Variants in PBX1 observed in about 807,000 individuals in gnomAD.
PBX1 encodes the protein PBX homeobox 1, also known as pre-B-cell leukemia transcription factor 1.
Under a neutral mutation model 53.4 loss-of-function variants are expected in PBX1, and 6 were observed. The observed-to-expected ratio is 0.11, with a 90% CI of 0.06 to 0.22. The LOEUF (loss-of-function observed/expected upper bound fraction) is 0.22. PBX1 is among the 10% of genes least tolerant of loss of function. The probability of loss-of-function intolerance (pLI) is 1.00; values close to 1 mark genes in which losing one functional copy is unlikely to be tolerated. For synonymous variants in PBX1, 204 were observed against 212.3 expected (o/e 0.96, Z 0.34); for missense variants, 251 against 551.4 (o/e 0.46, Z 5.46).
At chr1:164,635,157 C>T (rs1449990733) in intron 2 of PBX1, among the ~76,000 whole-genome samples, 8 of 152,082 alleles carry the variant, frequency 5.3e-5, no homozygotes, top group African/African-American at 1.4e-4. Context: ...ATTTATTAAT[C>T]ACTGAATATA....
intron 2 of PBX1, among the ~76,000 whole-genome samples, chr1:164,581,072 C>G (rs1194896992): frequency 6.6e-6 from 1 of 152,146 alleles, no homozygotes; most frequent in Admixed American, 6.5e-5. Flanking sequence ...TCCTATCACA[C>G]CACCTCCCTG....
In PBX1 at chr1:164,860,821, A is replaced by G. The variant is rs1318396210; in HGVS notation, n.257+29338A>G. ...ATCTCCCTCACATACAGAACAAAGC[A>G]CCTCGTGACACACTTAGTACTTGCT... is the stretch of plus-strand genomic sequence containing the variant. On this transcript the variant is annotated intron_variant and non_coding_transcript_variant, in intron 2 of 2. Coordinates refer to the PBX1 transcript ENST00000558796. Among the ~76,000 whole-genome samples, 7 of 152,222 alleles carry G rather than the reference A, an allele frequency of 4.6e-5. No individual in the cohort carries two copies. In the South Asian group the frequency reaches 1.5e-3, roughly 32 times the overall value.
At chr1:164,822,291 G>T (rs1454721525) in intron 8 of PBX1, among the ~76,000 whole-genome samples, 2 of 152,118 alleles carry the variant, frequency 1.3e-5, no homozygotes, top group African/African-American at 4.8e-5. Context: ...TGCTTTCTCA[G>T]CAGCGGTGAC....
chr1:164,701,580 C>T (rs1322422997), intron 2 of PBX1, among the ~76,000 whole-genome samples: 1 of 152,168 alleles, frequency 6.6e-6, no homozygotes, highest in Non-Finnish European at 1.5e-5. Flanking sequence ...GTGGTACTTA[C>T]GTCACTTATT....
chr1:164,714,106 A>G (rs1663954873), intron 2 of PBX1, among the ~76,000 whole-genome samples: 1 of 152,246 alleles, frequency 6.6e-6, no homozygotes, highest in South Asian at 2.1e-4. Context: ...AGGTTTTTCT[A>G]CACTAATTCC....
rs2101688526 is a variant in PBX1, at chr1:164,563,320, G to A, written c.265+9G>A. ...AATCAAAGAAAAAACAGGTAGGAAT[G>A]AGATTCCAACATTTTAGCATTTTCT... On this transcript the variant is annotated intron_variant, in intron 2 of 8. Coordinates refer to ENST00000420696, the MANE Select transcript of PBX1 (RefSeq NM_002585.4). 2 of 1,585,912 alleles carry A rather than the reference G, an allele frequency of 1.3e-6. No individual in the cohort carries two copies. The highest frequency in any genetic ancestry group is 1.7e-6 in the Non-Finnish European group (2 of 1,156,472).
At chr1:164,644,383 C>A (rs61803803) in intron 2 of PBX1, among the ~76,000 whole-genome samples, 4,524 of 152,214 alleles carry the variant, frequency 0.03, 118 homozygotes, top group Non-Finnish European at 0.039. Flanking sequence ...TATTAAACAG[C>A]ATCTTTGGAG....
chr1:164,834,629 G>A (rs1233523173), intron 8 of PBX1, among the ~76,000 whole-genome samples: 1 of 152,152 alleles, frequency 6.6e-6, no homozygotes, highest in African/African-American at 2.4e-5. Flanking sequence ...ACAGGCGTGA[G>A]CCACTATACC....
At chr1:164,624,752 T>G in intron 2 of PBX1, among the ~76,000 whole-genome samples, 1 of 152,180 alleles carries the variant, frequency 6.6e-6, no homozygotes, top group East Asian at 1.9e-4. Context: ...GTATCATTCC[T>G]CCATCTGTAG....
At chr1:164,793,778 T>G (rs1489327) in intron 3 of PBX1, among the ~76,000 whole-genome samples, 66,683 of 151,374 alleles carry the variant, frequency 0.44, 14,964 homozygotes, top group South Asian at 0.54. Flanking sequence ...CCTACTCTCA[T>G]TGAATCATTA....
chr1:164,684,917 A>T (rs1333700818), intron 2 of PBX1: 1 of 152,244 alleles, frequency 6.6e-6, no homozygotes, highest in Non-Finnish European at 1.5e-5. Context: ...ATGGTTAAGA[A>T]CTACTTAGTC....
intron 2 of PBX1, among the ~76,000 whole-genome samples, chr1:164,772,467 G>T (rs565786562): frequency 6.6e-5 from 10 of 152,172 alleles, no homozygotes; most frequent in African/African-American, 2.4e-4. Flanking sequence ...CTCACAACTG[G>T]TCTGGAAAAA....
intron 2 of PBX1, chr1:164,787,824 C>G (rs1284924558): frequency 6.6e-6 from 1 of 152,204 alleles, no homozygotes; most frequent in African/African-American, 2.4e-5. Context: ...CCTGTCTCAA[C>G]TGGTCTCTTC....
At chr1:164,581,311 T>C (rs1343176043) in intron 2 of PBX1, among the ~76,000 whole-genome samples, 3 of 148,930 alleles carry the variant, frequency 2.0e-5, no homozygotes, top group Non-Finnish European at 4.4e-5. Flanking sequence ...CACTGCAACC[T>C]CCGCCTCTCG....
At position 164,870,818 on chromosome 1, in the gene PBX1, C is replaced by T. The variant is rs1010362751; in HGVS notation, n.258-28370C>T. On this transcript the variant is annotated intron_variant and non_coding_transcript_variant, in intron 2 of 2. Coordinates refer to the PBX1 transcript ENST00000558796. ...TCCACATCCTTCCTTGTTCAGGGTT[C>T]CTCTGGACAGGGTTCCAGTGGGAGG... is the stretch of plus-strand genomic sequence containing the variant. Among the ~76,000 whole-genome samples the T allele has an allele frequency of 6.6e-5, 10 of 152,308 alleles. No individual in the cohort carries two copies. The South Asian group carries it at 2.1e-3, about 32-fold the overall frequency.
At chr1:164,648,445 T>C (rs893100109) in intron 2 of PBX1, among the ~76,000 whole-genome samples, 6 of 152,228 alleles carry the variant, frequency 3.9e-5, no homozygotes, top group Non-Finnish European at 5.9e-5. Flanking sequence ...CTGAAAGTGT[T>C]AGCCACATGC....
intron 5 of PBX1, among the ~76,000 whole-genome samples, chr1:164,809,919 C>G (rs1195275975): frequency 1.3e-5 from 2 of 152,170 alleles, no homozygotes; most frequent in Non-Finnish European, 2.9e-5. Context: ...GAGTGTCACC[C>G]TAATTCTGAA....
intron 2 of PBX1, among the ~76,000 whole-genome samples, chr1:164,643,370 G>A (rs973108187): frequency 2.0e-5 from 3 of 152,180 alleles, no homozygotes; most frequent in African/African-American, 7.2e-5. Context: ...AAAGGGCAAA[G>A]TTCAGGGTAT....
At chr1:164,806,212 G>A (rs1246726574) in intron 4 of PBX1, among the ~76,000 whole-genome samples, 1 of 152,070 alleles carries the variant, frequency 6.6e-6, no homozygotes, top group Non-Finnish European at 1.5e-5. Flanking sequence ...CTATCCACAG[G>A]CCTTCATTGT....
Sources: allele counts gnomAD v4.1 joint callset (sites outside exome capture counted in the v4.1 genomes callset), GRCh38; gene constraint gnomAD v4.1.1; transcripts MANE v1.5; gene names NCBI Gene and HGNC (gene_info 2026-07-23, HGNC 2026-07-21).